The following FAT1 variants were observed in gnomAD, a reference collection of about 807,000 sequenced individuals.
FAT1 encodes protocadherin Fat 1.
Under a neutral mutation model 329.8 loss-of-function variants are expected in FAT1, and 171 were observed. The observed-to-expected ratio is 0.52, with a 90% CI of 0.46 to 0.59. The LOEUF (loss-of-function observed/expected upper bound fraction) is 0.59, where lower values mean the gene tolerates loss of function less well. FAT1 is among the 20% of genes least tolerant of loss of function. The pLI, the probability that FAT1 is intolerant of heterozygous loss-of-function variation, is 0.00. For missense variants in FAT1, 5,672 were observed against 5,774.4 expected (o/e 0.98, Z 0.57); for synonymous variants, 2,233 against 2,228.6 (o/e 1.00, Z -0.06).
At chr4:186,638,847 CT>C (rs1740964876) in intron 4 of FAT1, among the ~76,000 whole-genome samples, 1 of 151,834 alleles carries the variant, frequency 6.6e-6, no homozygotes. Context: ...GGCAGGTGGC[CT>C]TTTCCAAGGC....
At chr4:186,648,968 T>G (rs994623448) in intron 3 of FAT1, among the ~76,000 whole-genome samples, 4 of 152,310 alleles carry the variant, frequency 2.6e-5, no homozygotes, top group Middle Eastern at 3.4e-3. Context: ...GGACATATTC[T>G]GGAACAAAGC....
Position 186,600,207 on chromosome 4 carries a change from T to C in FAT1, c.11794A>G (p.Thr3932Ala), listed in dbSNP as rs1450440426. 6.2e-7 allele frequency: 1 copy of C among 1,614,080 alleles called. No individual in the cohort carries two copies. Among genetic ancestry groups the C allele is most frequent in the South Asian group, 1.1e-5 (1 of 91,084 alleles). ...GTCCCTGGGGCTGTGCCCGATGCAG[T>C]ATGAACTTGGTCTAGAACCAAGCGA... is the stretch of plus-strand genomic sequence containing the variant. ...YARLVLDQVH[T>A]ASGTAPGTLK... The change falls in exon 22 of 27, where the codon ACT becomes GCT. Residue 3932 changes from threonine to alanine, a missense_variant. By Grantham distance (58) the Thr-to-Ala change is moderately conservative. Around this residue, in one of 2 missense-constraint regions of FAT1, gnomAD observed 1,706 missense variants for 1,859.1 expected, o/e 0.92. Coordinates refer to ENST00000441802, the MANE Select transcript of FAT1 (RefSeq NM_005245.4).
rs2126466546 is a variant in FAT1 at position 186,611,419 on chromosome 4, C to G, written c.9820G>C (p.Glu3274Gln). Reference sequence around the variant, plus strand: ...GAATCTATGCTGAATTTCCCATGTTCATTTCCACTTATTATTGAGTAGGTG... The same window carrying G: ...GAATCTATGCTGAATTTCCCATGTTGATTTCCACTTATTATTGAGTAGGTG... ...EITYSIISGN[E>Q]HGKFSIDSKT... is the part of the protein sequence containing the mutation. The change falls in exon 14 of 27, where the codon GAA (glutamate) becomes CAA (glutamine). Residue 3274 changes from glutamate to glutamine, a missense_variant. Glu to Gln is a conservative substitution (Grantham distance 29). Transcript: ENST00000441802. 2 of 1,613,418 alleles carry G rather than the reference C, an allele frequency of 1.2e-6. No individual in the cohort carries two copies. The highest frequency in any genetic ancestry group is 1.7e-6 in the Non-Finnish European group (2 of 1,179,616).
rs1744799041 is a variant in FAT1, at chr4:186,708,942, C to A, written c.886G>T (p.Ala296Ser). Residue 296 changes from alanine to serine, a missense_variant, in exon 2 of 27, where the codon GCA becomes TCA. Physicochemically the swap from Ala to Ser is moderately conservative, Grantham distance 99. Around this residue, in one of 2 missense-constraint regions of FAT1, gnomAD observed 3,966 missense variants for 3,915.2 expected, o/e 1.01. Coordinates refer to ENST00000441802, the MANE Select transcript of FAT1 (RefSeq NM_005245.4). Reference sequence around the variant, plus strand: ...CTAAACTGCTGGAGAAGGTCACCTGCCACGATGCTTAAAGATGCTATGTCA... The same window carrying A: ...CTAAACTGCTGGAGAAGGTCACCTGACACGATGCTTAAAGATGCTATGTCA... ...NGDIASLSIV[A>S]GDLLQQFRTV... The A allele has an allele frequency of 6.2e-7, 1 of 1,614,020 alleles. No individual in the cohort carries two copies. Among genetic ancestry groups the A allele is most frequent in the Non-Finnish European group, 8.5e-7 (1 of 1,179,890 alleles).
chr4:186,679,416 CAAAAAAAAAAAAAAA>C (rs1169141587), intron 2 of FAT1, among the ~76,000 whole-genome samples: 1 of 50,310 alleles, frequency 2.0e-5, no homozygotes, highest in African/African-American at 6.0e-5. Flanking sequence ...GACTCTGTCT[CAAAAAAAAAAAAAAA>C]AAAAAAAAAA....
rs759980028 is a variant in FAT1 at position 186,597,798 on chromosome 4, G to A, written c.12258-6C>T. ...AGTATGGACTAAGCTGACACCTGAA[G>A]AGTAAGGAGAAACAGACATAAACCT... On this transcript the variant is annotated splice_region_variant and splice_polypyrimidine_tract_variant and intron_variant, in intron 23 of 26. Transcript: ENST00000441802. 1 of 1,610,274 alleles carries A rather than the reference G, an allele frequency of 6.2e-7. No homozygotes were observed. Among genetic ancestry groups the A allele is most frequent in the South Asian group, 1.1e-5 (1 of 90,960 alleles).
At chr4:186,661,278 G>A (rs1742153550) in intron 3 of FAT1, among the ~76,000 whole-genome samples, 1 of 152,150 alleles carries the variant, frequency 6.6e-6, no homozygotes, top group African/African-American at 2.4e-5. Flanking sequence ...ACCTGCCAAG[G>A]CAGGACTCCA....
At chr4:186,659,378 C>T (rs776983542) in intron 3 of FAT1, among the ~76,000 whole-genome samples, 1 of 152,230 alleles carries the variant, frequency 6.6e-6, no homozygotes, top group Non-Finnish European at 1.5e-5. Context: ...TATTCTCTAG[C>T]TGCTGGACGT....
intron 2 of FAT1, among the ~76,000 whole-genome samples, chr4:186,666,027 G>C (rs1363376736): frequency 8.1e-6 from 1 of 123,654 alleles, no homozygotes; most frequent in Non-Finnish European, 1.6e-5. Flanking sequence ...CACACACCGG[G>C]GCCTGTCGTG....
chr4:186,723,795 A>C lies in FAT1; in HGVS notation c.-150T>G, dbSNP rs1745580893. The C allele has an allele frequency of 7.5e-6, 1 of 133,132 alleles. No homozygotes were observed. The highest frequency in any genetic ancestry group is 2.9e-5 in the African/African-American group (1 of 34,718). 8.2% of individuals were successfully genotyped at this position (133,132 alleles called of 1,614,324 possible). On this transcript the variant is annotated 5_prime_UTR_variant, in exon 1 of 27. Transcript: ENST00000441802. ...GCGTCCGCATGGTACCTGCCGCACG[A>C]GCCGCTCCCGCGCCCTCTCCCCGCG... is the stretch of plus-strand genomic sequence containing the variant.
At chr4:186,693,195 T>C (rs925554328) in intron 2 of FAT1, among the ~76,000 whole-genome samples, 1 of 152,214 alleles carries the variant, frequency 6.6e-6, no homozygotes, top group South Asian at 2.1e-4. Context: ...TAAGACCATA[T>C]TGATATTTTC....
chr4:186,669,909 A>C (rs889802381), intron 2 of FAT1, among the ~76,000 whole-genome samples: 4 of 152,174 alleles, frequency 2.6e-5, no homozygotes, highest in African/African-American at 9.7e-5. Context: ...ACTCCCCGCC[A>C]CTGCTGGCCC....
In FAT1 at chr4:186,621,023, G is replaced by C. The variant is rs773207249; in HGVS notation, c.5563C>G (p.Pro1855Ala). ...GCTGCATACTCAGCAAATAAACGTG[G>C]GGTTCCCATGTCATGCACTTGGACG... ...FTVQVHDMGT[P>A]RLFAEYAANV... is the part of the protein sequence containing the mutation. The change falls in exon 10 of 27, where the codon CCA (proline) becomes GCA (alanine). Residue 1855 changes from proline to alanine, a missense_variant. By Grantham distance (27) the Pro-to-Ala change is conservative. This residue lies in a region of FAT1 where 3,966 missense variants were observed against 3,915.2 expected (regional missense o/e 1.01). Transcript: ENST00000441802. The C allele has an allele frequency of 1.2e-6, 2 of 1,612,554 alleles. No homozygotes were observed. Among genetic ancestry groups the C allele is most frequent in the East Asian group, 2.2e-5 (1 of 44,882 alleles).
In FAT1 at chr4:186,706,591, A is replaced by G. The variant is rs374551563; in HGVS notation, c.3237T>C (p.Val1079=). The G allele has an allele frequency of 4.5e-5, 73 of 1,610,760 alleles. No homozygotes were observed. In the African/African-American group the frequency reaches 9.2e-4, roughly 20 times the overall value. ...IRYSIRDGSG[V]GVFKIGEETG... is the part of the protein sequence containing the mutation. ...TCTCTTCACCTATTTTGAAAACACC[A>G]ACGCCAGAGCCATCTCTAATGGAGT... is the stretch of plus-strand genomic sequence containing the variant. Residue 1079 remains valine, a synonymous_variant, in exon 2 of 27, where the codon GTT becomes GTC. Transcript: ENST00000441802.
intron 2 of FAT1, among the ~76,000 whole-genome samples, chr4:186,686,727 G>A (rs1437786900): frequency 1.3e-5 from 2 of 152,000 alleles, no homozygotes; most frequent in Non-Finnish European, 2.9e-5. Flanking sequence ...TTATTGCCTA[G>A]TATCACATCC....
At chr4:186,599,812 GA>G in intron 22 of FAT1, 85 bp downstream of exon 22, 1 of 1,060,604 alleles carries the variant, frequency 9.4e-7, no homozygotes, top group Non-Finnish European at 1.4e-6. Context: ...AATCAAAAGA[GA>G]AAAAAATAAA....
At chr4:186,665,750 G>A (rs926147524) in intron 2 of FAT1, among the ~76,000 whole-genome samples, 4 of 151,724 alleles carry the variant, frequency 2.6e-5, no homozygotes, top group Non-Finnish European at 4.4e-5. Context: ...GGTTTATTGC[G>A]GCACTATTCA....
In FAT1 at chr4:186,604,401, T is replaced by C. The variant is rs375998786; in HGVS notation, c.10524A>G (p.Lys3508=). ...LTSSAIKRKE[K]DHYLLQVKVA... Reference sequence around the variant, plus strand: ...CCTTCACCTGCAGTAAGTAATGATCTTTCTCCTTCCTCTTGATGGCAGATG... The same window carrying C: ...CCTTCACCTGCAGTAAGTAATGATCCTTCTCCTTCCTCTTGATGGCAGATG... Residue 3508 remains lysine (K), a synonymous_variant, in exon 18 of 27, where the codon AAA becomes AAG. Coordinates refer to ENST00000441802, the MANE Select transcript of FAT1 (RefSeq NM_005245.4). 5.0e-6 allele frequency: 8 copies of C among 1,613,658 alleles called. No individual in the cohort carries two copies. Among genetic ancestry groups the C allele is most frequent in the Non-Finnish European group, 5.9e-6 (7 of 1,179,760 alleles).
intron 1 of FAT1, among the ~76,000 whole-genome samples, chr4:186,713,717 G>A (rs990668858): frequency 2.0e-5 from 3 of 151,962 alleles, no homozygotes; most frequent in Non-Finnish European, 4.4e-5. Flanking sequence ...GTGCAGTGGC[G>A]CGATCACGGC....
Sources: gnomAD v4.1 joint callset for allele counts (sites outside exome capture counted in the v4.1 genomes callset) on GRCh38, gnomAD v4.1.1 for gene constraint, gnomAD v4.1.1 regional missense constraint, MANE v1.5 for transcripts, NCBI Gene and HGNC (gene_info 2026-07-23, HGNC 2026-07-21) for gene names.